Variants in MALRD1 observed in about 807,000 individuals in gnomAD.
MALRD1 encodes the protein MAM and LDL receptor class A domain containing 1.
Under a neutral mutation model 242.1 loss-of-function variants are expected in MALRD1, and 247 were observed. The observed-to-expected ratio is 1.02, with a 90% confidence interval of 0.92 to 1.13. MALRD1 has a LOEUF of 1.13. Among genes scored for constraint, MALRD1 ranks in the 50% most tolerant of loss-of-function variants. MALRD1 has a pLI of 0.00. For missense variants in MALRD1, 2,989 were observed against 2,533.1 expected (o/e 1.18, Z -3.86); for synonymous variants, 995 against 866.6 (o/e 1.15, Z -2.60).
intron 31 of MALRD1, among the ~76,000 whole-genome samples, chr10:19,507,551 G>A (rs1240322861): frequency 6.6e-6 from 1 of 151,954 alleles, no homozygotes; most frequent in East Asian, 1.9e-4. Context: ...AGGTTTTCAA[G>A]TTATACTGAA....
At chr10:19,061,531 C>T (rs771254741) in intron 1 of MALRD1, among the ~76,000 whole-genome samples, 1 of 152,068 alleles carries the variant, frequency 6.6e-6, no homozygotes, top group East Asian at 1.9e-4. Flanking sequence ...TCTAACACTT[C>T]CTGATTTCAA....
intron 12 of MALRD1, 30 bp downstream of exon 12, chr10:19,155,202 C>T (rs1564427540): frequency 1.8e-5 from 21 of 1,184,488 alleles, no homozygotes; most frequent in Non-Finnish European, 2.2e-5. Flanking sequence ...TTCCACTGGC[C>T]ATTCTGCGGT....
chr10:19,146,489 A>G (rs1833731271), intron 11 of MALRD1, 145 bp downstream of exon 11: 1 of 649,578 alleles, frequency 1.5e-6, no homozygotes, highest in Non-Finnish European at 2.2e-6. Flanking sequence ...GACCAAGTTA[A>G]TAATTGGCGG....
intron 18 of MALRD1, among the ~76,000 whole-genome samples, chr10:19,250,213 A>C (rs1046447268): frequency 2.0e-5 from 3 of 152,022 alleles, no homozygotes; most frequent in African/African-American, 7.2e-5. Context: ...AAATCTTATT[A>C]TACCTTATTA....
chr10:19,692,867 T>TTATATATATA (rs1254775928), intron 38 of MALRD1, among the ~76,000 whole-genome samples: 28 of 29,632 alleles, frequency 9.4e-4, no homozygotes, highest in Admixed American at 2.4e-3. Flanking sequence ...ATAGATGAAA[T>TTATATATATA]TATATATATA....
chr10:19,561,544 C>T (rs917515659), intron 32 of MALRD1, among the ~76,000 whole-genome samples: 3 of 152,112 alleles, frequency 2.0e-5, no homozygotes, highest in African/African-American at 4.8e-5. Flanking sequence ...ATGATTGCTA[C>T]GTCTCTTGAA....
At chr10:19,051,157 A>G (rs921969456) in intron 1 of MALRD1, among the ~76,000 whole-genome samples, 1 of 152,210 alleles carries the variant, frequency 6.6e-6, no homozygotes. Flanking sequence ...TTTCTTTTGT[A>G]TATCACACTG....
chr10:19,109,758 A>G lies in MALRD1; in HGVS notation c.694+5683A>G, dbSNP rs116481448. Among the ~76,000 whole-genome samples, 214 of 152,310 alleles carry G rather than the reference A, an allele frequency of 1.4e-3. 1 individual carries two copies. Among genetic ancestry groups the G allele is most frequent in the African/African-American group, 4.7e-3 (197 of 41,584 alleles). On this transcript the variant is annotated intron_variant, in intron 5 of 39. Coordinates refer to ENST00000454679, the MANE Select transcript of MALRD1 (RefSeq NM_001142308.3). ...CTCTAGTCATGGCTCCAGTCCCAAG[A>G]TAGCACTTTATAGCAGCAATGTAGA...
At chr10:19,372,387 TAGAA>T (rs1034296619) in intron 26 of MALRD1, among the ~76,000 whole-genome samples, 47 of 151,658 alleles carry the variant, frequency 3.1e-4, no homozygotes, top group Admixed American at 1.6e-3. Context: ...ATCAGAAAAA[TAGAA>T]AGGTGTTAAA....
At chr10:19,305,070 C>G (rs1842105604) in intron 21 of MALRD1, among the ~76,000 whole-genome samples, 1 of 151,742 alleles carries the variant, frequency 6.6e-6, no homozygotes, top group African/African-American at 2.4e-5. Flanking sequence ...CTATGCAAAT[C>G]CTGAATGACT....
intron 29 of MALRD1, among the ~76,000 whole-genome samples, chr10:19,456,322 T>G (rs999795856): frequency 6.6e-6 from 1 of 152,178 alleles, no homozygotes; most frequent in Admixed American, 6.5e-5. Context: ...AAGACATTCT[T>G]TTTTATTATA....
intron 26 of MALRD1, among the ~76,000 whole-genome samples, chr10:19,357,187 A>G (rs1290950985): frequency 6.6e-6 from 1 of 152,024 alleles, no homozygotes; most frequent in Non-Finnish European, 1.5e-5. Flanking sequence ...GTTCTAGTGG[A>G]TTAGATATTA....
chr10:19,127,075 A>G (rs1368793371), intron 7 of MALRD1, among the ~76,000 whole-genome samples: 2 of 152,192 alleles, frequency 1.3e-5, no homozygotes. Flanking sequence ...TGCTCCTGCA[A>G]AGGACATGAT....
At chr10:19,508,509 A>T (rs377588341) in intron 31 of MALRD1, among the ~76,000 whole-genome samples, 1 of 152,222 alleles carries the variant, frequency 6.6e-6, no homozygotes, top group South Asian at 2.1e-4. Flanking sequence ...TCCTGAACCT[A>T]TACTGTCCAA....
intron 5 of MALRD1, among the ~76,000 whole-genome samples, chr10:19,118,630 A>G (rs1355776950): frequency 6.6e-6 from 1 of 152,186 alleles, no homozygotes; most frequent in Non-Finnish European, 1.5e-5. Context: ...GATGTTTCTT[A>G]TCATACTTAG....
chr10:19,136,973 T>C (rs1210570149), intron 10 of MALRD1, among the ~76,000 whole-genome samples, 192 bp downstream of exon 10: 1 of 152,234 alleles, frequency 6.6e-6, no homozygotes, highest in Non-Finnish European at 1.5e-5. Flanking sequence ...TTTTGGTGCT[T>C]GTTGCAAAGT....
intron 5 of MALRD1, among the ~76,000 whole-genome samples, chr10:19,106,154 C>A (rs1205974284): frequency 1.3e-5 from 2 of 151,724 alleles, no homozygotes; most frequent in East Asian, 3.8e-4. Context: ...TATTCTCTTC[C>A]CACCCACTCA....
chr10:19,584,300 C>A (rs1008814635), intron 33 of MALRD1, among the ~76,000 whole-genome samples: 3 of 152,064 alleles, frequency 2.0e-5, no homozygotes, highest in African/African-American at 7.2e-5. Context: ...TTTTCTAGTT[C>A]TTTTAATTGT....
chr10:19,196,318 T>A (rs186673361), intron 14 of MALRD1, among the ~76,000 whole-genome samples: 11 of 152,338 alleles, frequency 7.2e-5, no homozygotes, highest in Non-Finnish European at 7.3e-5. Flanking sequence ...GAATTCACTG[T>A]ATTCACTTTC....
Sources: gnomAD v4.1 joint callset for allele counts (sites outside exome capture counted in the v4.1 genomes callset) on GRCh38, gnomAD v4.1.1 for gene constraint, MANE v1.5 for transcripts, NCBI Gene and HGNC (gene_info 2026-07-23, HGNC 2026-07-21) for gene names.